FLT1: variants seen among roughly 807,000 people sequenced by gnomAD.
The protein encoded by FLT1 is fms related receptor tyrosine kinase 1, also known as vascular endothelial growth factor receptor 1.
Under a neutral mutation model 156.3 loss-of-function variants are expected in FLT1, and 49 were observed. That is an observed-to-expected ratio of 0.31 (90% CI 0.25 to 0.40). The LOEUF is 0.40. Among genes scored for constraint, FLT1 ranks in the 10% least tolerant of loss-of-function variants. FLT1 has a pLI of 1.00. For synonymous variants in FLT1, 594 were observed against 583.8 expected, an observed-to-expected ratio of 1.02 and a Z score of -0.25; for missense variants, 1,322 against 1,637.2, an observed-to-expected ratio of 0.81 and a Z score of 3.32.
intron 10 of FLT1, among the ~76,000 whole-genome samples, chr13:28,408,778 C>T (rs1401487927): frequency 6.6e-6 from 1 of 152,178 alleles, no homozygotes; most frequent in African/African-American, 2.4e-5. Flanking sequence ...CTCAGCTCGG[C>T]GCTGTCCTCT....
chr13:28,320,239 G>C (rs1245256174), intron 23 of FLT1, among the ~76,000 whole-genome samples: 3 of 152,116 alleles, frequency 2.0e-5, no homozygotes, highest in Admixed American at 2.0e-4. Context: ...AGAAAGGAGG[G>C]GAGGACTAAC....
intron 1 of FLT1, among the ~76,000 whole-genome samples, chr13:28,489,448 A>G (rs1487748802): frequency 1.3e-5 from 2 of 152,200 alleles, no homozygotes; most frequent in Admixed American, 6.5e-5. Context: ...ACACAGACAC[A>G]TAAAATCCTG....
chr13:28,471,877 C>T (rs965763218), intron 1 of FLT1, among the ~76,000 whole-genome samples: 1 of 151,990 alleles, frequency 6.6e-6, no homozygotes, highest in Non-Finnish European at 1.5e-5. Context: ...CCTTACATCA[C>T]GAAAACATTT....
chr13:28,393,427 A>C (rs1874856600), intron 12 of FLT1, among the ~76,000 whole-genome samples: 2 of 152,190 alleles, frequency 1.3e-5, no homozygotes, highest in African/African-American at 4.8e-5. Context: ...ACTTAAAAAG[A>C]GAGTGAATGG....
intron 3 of FLT1, among the ~76,000 whole-genome samples, chr13:28,456,371 C>T (rs1334664015): frequency 6.6e-6 from 1 of 151,668 alleles, no homozygotes; most frequent in Non-Finnish European, 1.5e-5. Flanking sequence ...AGATATTAAG[C>T]CATGGAAAGA....
At chr13:28,415,207 C>T (rs1405509150) in intron 10 of FLT1, among the ~76,000 whole-genome samples, 1 of 152,174 alleles carries the variant, frequency 6.6e-6, no homozygotes, top group Non-Finnish European at 1.5e-5. Flanking sequence ...TGCCCGGGTG[C>T]GGTGGCTCAT....
At chr13:28,378,967 C>T (rs9551462) in intron 14 of FLT1, among the ~76,000 whole-genome samples, 49,310 of 151,988 alleles carry the variant, frequency 0.32, 8,201 homozygotes, top group East Asian at 0.37. Context: ...TGCTCAATGA[C>T]ATGAGTTGTA....
chr13:28,441,593 T>A (rs1878337262), intron 3 of FLT1, among the ~76,000 whole-genome samples: 1 of 152,070 alleles, frequency 6.6e-6, no homozygotes, highest in African/African-American at 2.4e-5. Context: ...CTATCAAAAA[T>A]ATAAATATAT....
intron 11 of FLT1, among the ~76,000 whole-genome samples, chr13:28,402,695 G>A (rs1391563557): frequency 6.6e-6 from 1 of 152,040 alleles, no homozygotes; most frequent in Non-Finnish European, 1.5e-5. Context: ...ATTGCATAAG[G>A]GTACATATGA....
At chr13:28,368,607 ATGATGATGACAATGG>A (rs1565988464) in intron 14 of FLT1, 9 of 1,446,710 alleles carry the variant, frequency 6.2e-6, no homozygotes, top group Non-Finnish European at 8.6e-6. Flanking sequence ...GACGATGATG[ATGATGATGACAATGG>A]TGATGATGAC....
chr13:28,459,787 A>C (rs905050566), intron 3 of FLT1, among the ~76,000 whole-genome samples: 14 of 152,262 alleles, frequency 9.2e-5, no homozygotes, highest in African/African-American at 3.4e-4. Context: ...TCATGAAATT[A>C]TAGTGATTCC....
chr13:28,489,918 C>T (rs1881378436), intron 1 of FLT1, among the ~76,000 whole-genome samples: 1 of 152,068 alleles, frequency 6.6e-6, no homozygotes, highest in Non-Finnish European at 1.5e-5. Context: ...CCCTTATGTG[C>T]GTTAAGAAAA....
At chr13:28,491,335 CT>C (rs960991147) in intron 1 of FLT1, among the ~76,000 whole-genome samples, 3 of 152,084 alleles carry the variant, frequency 2.0e-5, no homozygotes, top group Admixed American at 6.6e-5. Context: ...AAATCTGGAA[CT>C]TTTTTTAAAA....
chr13:28,366,885 CCCACTCCA>C (rs1873317083), intron 14 of FLT1, among the ~76,000 whole-genome samples: 1 of 152,154 alleles, frequency 6.6e-6, no homozygotes, highest in Non-Finnish European at 1.5e-5. Context: ...TTCTTATCTG[CCCACTCCA>C]CTGTGGGCTC....
chr13:28,471,858 T>C (rs1422277001), intron 1 of FLT1, among the ~76,000 whole-genome samples: 1 of 152,166 alleles, frequency 6.6e-6, no homozygotes, highest in Non-Finnish European at 1.5e-5. Context: ...ATAAGAGGCA[T>C]ACAGATCTCC....
At chr13:28,326,084 C>T (rs1049015541) in intron 20 of FLT1, among the ~76,000 whole-genome samples, 1 of 152,050 alleles carries the variant, frequency 6.6e-6, no homozygotes, top group Non-Finnish European at 1.5e-5. Flanking sequence ...GTTGGACTCA[C>T]CCAATTTTTC....
chr13:28,382,274 T>A (rs1408376932), intron 14 of FLT1, among the ~76,000 whole-genome samples: 1 of 152,168 alleles, frequency 6.6e-6, no homozygotes, highest in Non-Finnish European at 1.5e-5. Flanking sequence ...GGGAAGGTAC[T>A]CCAGGCGGAG....
chr13:28,481,445 A>G (rs1248225738), intron 1 of FLT1, among the ~76,000 whole-genome samples: 1 of 112,526 alleles, frequency 8.9e-6, no homozygotes, highest in Non-Finnish European at 1.8e-5. Context: ...CCGCTTATAC[A>G]CACACACACA....
chr13:28,396,383 G>C (rs1459762896), intron 12 of FLT1, among the ~76,000 whole-genome samples: 1 of 152,126 alleles, frequency 6.6e-6, no homozygotes, highest in Non-Finnish European at 1.5e-5. Flanking sequence ...CATAGGGAGT[G>C]CCATTTGTGT....
Sources: gnomAD v4.1 joint callset for allele counts (sites outside exome capture counted in the v4.1 genomes callset) on GRCh38, gnomAD v4.1.1 for gene constraint, MANE v1.5 for transcripts, NCBI Gene and HGNC (gene_info 2026-07-23, HGNC 2026-07-21) for gene names.